Variants in AHNAK observed in about 807,000 individuals in gnomAD.
The protein encoded by AHNAK is neuroblast differentiation-associated protein AHNAK.
In AHNAK, 23 loss-of-function variants were observed where a neutral mutation model predicts 37.8. That is an observed-to-expected ratio of 0.61 (90% confidence interval 0.44 to 0.86). AHNAK has a LOEUF of 0.86. Among genes scored for constraint, AHNAK ranks in the 40% least tolerant of loss-of-function variants. The pLI, the probability that AHNAK is intolerant of heterozygous loss-of-function variation, is 0.00. For missense variants in AHNAK, 7,411 were observed against 7,319.4 expected (o/e 1.01, Z -0.46); for synonymous variants, 2,481 against 2,636.3 (o/e 0.94, Z 1.80).
chr11:62,449,255 G>A (rs540294272), intron 5 of AHNAK, among the ~76,000 whole-genome samples: 21 of 152,256 alleles, frequency 1.4e-4, no homozygotes, highest in African/African-American at 3.9e-4. Flanking sequence ...CTCTCCTTCC[G>A]TTCCCTGGCT....
At chr11:62,451,026 T>C (rs2958533) in intron 5 of AHNAK, among the ~76,000 whole-genome samples, 84,707 of 150,118 alleles carry the variant, frequency 0.56, 25,612 homozygotes, top group South Asian at 0.64. Flanking sequence ...ATGGAGATGA[T>C]GTCACTGACC....
At chr11:62,437,411 A>C (rs1215014592) in intron 5 of AHNAK, among the ~76,000 whole-genome samples, 1 of 149,426 alleles carries the variant, frequency 6.7e-6, no homozygotes, top group Non-Finnish European at 1.5e-5. Context: ...GCTGGAGTGC[A>C]ATGGTGCAAT....
At chr11:62,481,768 G>A (rs568367322) in intron 5 of AHNAK, among the ~76,000 whole-genome samples, 5 of 151,184 alleles carry the variant, frequency 3.3e-5, no homozygotes, top group East Asian at 2.0e-4. Context: ...TAGTAGAGAC[G>A]GGGTTTCACC....
At chr11:62,450,861 G>A (rs905780797) in intron 5 of AHNAK, among the ~76,000 whole-genome samples, 1 of 152,252 alleles carries the variant, frequency 6.6e-6, no homozygotes, top group African/African-American at 2.4e-5. Context: ...ATATTAAAAG[G>A]TTGTTACATT....
intron 4 of AHNAK, among the ~76,000 whole-genome samples, chr11:62,509,787 G>A (rs999838141): frequency 1.3e-4 from 20 of 151,508 alleles, no homozygotes; most frequent in African/African-American, 1.5e-4. Context: ...GTGTGGTGGC[G>A]GGCGCTAGTA....
At position 62,517,272 on chromosome 11, in the gene AHNAK, G is replaced by T; in HGVS notation, c.17145C>A (p.Pro5715=). The T allele has an allele frequency of 6.2e-7, 1 of 1,614,074 alleles. No homozygotes were observed. The highest frequency in any genetic ancestry group is 8.5e-7 in the Non-Finnish European group (1 of 1,180,014). ...CTTTAGGTTTGGAAAAATTAAACTT[G>T]GGCATTTTGATCTTGGACTTTTTCA... ...VKLKKSKIKM[P]KFNFSKPKGK... Residue 5715 remains proline, a synonymous_variant, in exon 5 of 5, where the codon CCC becomes CCA. Transcript: ENST00000378024.
At chr11:62,512,884 G>C (rs1183743492), downstream of AHNAK, among the ~76,000 whole-genome samples, 2 of 137,830 alleles carry the variant, frequency 1.5e-5, no homozygotes, top group African/African-American at 2.6e-5. This position sits in a 1 kb window ranked among gnomAD's most constrained non-coding sequence, Gnocchi z 4.0. Context: ...GGGAGGGAGG[G>C]AGGGAGGGAG....
At chr11:62,437,088 C>T (rs1938188533) in intron 5 of AHNAK, among the ~76,000 whole-genome samples, 1 of 152,304 alleles carries the variant, frequency 6.6e-6, no homozygotes, top group South Asian at 2.1e-4. Flanking sequence ...AACGTTCCCT[C>T]ATGCACCCTC....
chr11:62,437,163 C>T (rs60902814), intron 5 of AHNAK, among the ~76,000 whole-genome samples: 20,286 of 152,116 alleles, frequency 0.13, 1,625 homozygotes, highest in Middle Eastern at 0.2. Context: ...TTGCCTCTTT[C>T]TGAACCATAT....
At position 62,519,511 on chromosome 11, in the gene AHNAK, T is replaced by A. The variant is rs574115758; in HGVS notation, c.14906A>T (p.Asp4969Val). ...TTTCTTAAATTTGGGGATTTTAACA[T>A]CTGGCCCTTCGATGTTAATATCTGG... The part of the protein sequence containing the change: ...DSPDINIEGP[D>V]VKIPKFKKPK... Residue 4969 changes from aspartate (D) to valine (V), a missense_variant, in exon 5 of 5, where the codon GAT becomes GTT. Asp to Val is a radical substitution (Grantham distance 152). Coordinates refer to ENST00000378024, the MANE Select transcript of AHNAK (RefSeq NM_001620.3). The A allele has an allele frequency of 3.1e-6, 5 of 1,613,012 alleles. No homozygotes were observed. The highest frequency in any genetic ancestry group is 4.2e-6 in the Non-Finnish European group (5 of 1,179,730).
rs549048075 is a variant in AHNAK, at chr11:62,531,476, C to A, written c.2941G>T (p.Asp981Tyr). Reference protein sequence around the residue: ...LEGDLKGPKVDVSAPDVEMQG... With the variant: ...LEGDLKGPKVYVSAPDVEMQG... ...ATTTCAACATCTGGGGCACTGACAT[C>A]TACTTTTGGGCCTTTCAGGTCCCCT... The change falls in exon 5 of 5, where the codon GAT becomes TAT. Residue 981 changes from aspartate (D) to tyrosine (Y), a missense_variant. Asp to Tyr is a radical substitution (Grantham distance 160, BLOSUM62 -3). Coordinates refer to ENST00000378024, the MANE Select transcript of AHNAK (RefSeq NM_001620.3). The A allele has an allele frequency of 1.2e-6, 2 of 1,614,244 alleles. No individual in the cohort carries two copies. The highest frequency in any genetic ancestry group is 2.2e-5 in the South Asian group (2 of 91,082).
intron 4 of AHNAK, among the ~76,000 whole-genome samples, chr11:62,496,062 GAAGA>G (rs1352393728): frequency 6.7e-6 from 1 of 149,424 alleles, no homozygotes; most frequent in South Asian, 2.1e-4. Flanking sequence ...AAAAAAAAAA[GAAGA>G]AAGAAAGAAA....
chr11:62,533,202 C>T lies in AHNAK; in HGVS notation c.1215G>A (p.Gly405=). 4 of 1,527,750 alleles carry T rather than the reference C, an allele frequency of 2.6e-6. No individual in the cohort carries two copies. The highest frequency in any genetic ancestry group is 3.5e-6 in the Non-Finnish European group (4 of 1,142,524). The allele number at this position is 1,527,750 out of a possible 1,614,324, so 94.6% of individuals were successfully genotyped here. The change falls in exon 5 of 5, where the codon GGG becomes GGA. Residue 405 remains glycine (G), a synonymous_variant. Transcript: ENST00000378024. ...CCACACTGGGGCCAGTGATGCTACC[C>T]CCAATTTGGGGAGCAGAGGCATCCA... ...IGVDASAPQI[G]GSITGPSVEV...
At position 62,526,936 on chromosome 11, in the gene AHNAK, A is replaced by G. The variant is rs766600337; in HGVS notation, c.7481T>C (p.Val2494Ala). 6.8e-6 allele frequency: 11 copies of G among 1,614,076 alleles called. No individual in the cohort carries two copies. In the Admixed American group the frequency reaches 1.7e-4, roughly 24 times the overall value. Residue 2494 changes from valine to alanine, a missense_variant, in exon 5 of 5, where the codon GTT becomes GCT. Physicochemically the swap from Val to Ala is moderately conservative, Grantham distance 64. Transcript: ENST00000378024. ...VPDMNIRGPK[V>A]DVNAPDVQAP... is the part of the protein sequence containing the mutation. Reference sequence around the variant, plus strand: ...TTGGACATCGGGGGCATTTACATCAACTTTGGGGCCCCTGATGTTCATATC... The same window carrying G: ...TTGGACATCGGGGGCATTTACATCAGCTTTGGGGCCCCTGATGTTCATATC...
At position 62,528,069 on chromosome 11, in the gene AHNAK, C is replaced by T; in HGVS notation, c.6348G>A (p.Lys2116=). 1 of 1,613,308 alleles carries T rather than the reference C, an allele frequency of 6.2e-7. No homozygotes were observed. Among genetic ancestry groups the T allele is most frequent in the Non-Finnish European group, 8.5e-7 (1 of 1,179,828 alleles). The stretch of plus-strand genomic sequence containing the variant: ...GTAAGTCCACATCAGGCATGGAGAT[C>T]TTGGGGGCCTTGAAGTGCATCTCAG... ...KMPEMHFKAP[K]ISMPDVDLHL... The change falls in exon 5 of 5, where the codon AAG becomes AAA. Residue 2116 remains lysine, a synonymous_variant. Coordinates refer to ENST00000378024, the MANE Select transcript of AHNAK (RefSeq NM_001620.3).
chr11:62,481,235 A>G (rs1404165496), intron 5 of AHNAK, among the ~76,000 whole-genome samples: 1 of 151,776 alleles, frequency 6.6e-6, no homozygotes, highest in Non-Finnish European at 1.5e-5. Flanking sequence ...CCTCCCGAGT[A>G]GCTGGGATTA....
At chr11:62,500,537 G>A (rs1438405062) in intron 4 of AHNAK, among the ~76,000 whole-genome samples, 1 of 152,172 alleles carries the variant, frequency 6.6e-6, no homozygotes, top group Non-Finnish European at 1.5e-5. Context: ...CCCTCAGAGA[G>A]CCCGATGATG....
At chr11:62,493,011 CTTTTTTTT>C (rs960994580) in intron 4 of AHNAK, among the ~76,000 whole-genome samples, 2 of 133,328 alleles carry the variant, frequency 1.5e-5, no homozygotes, top group Non-Finnish European at 3.2e-5. Context: ...CTTTTCTTTT[CTTTTTTTT>C]TTTTTTTTTT....
intron 5 of AHNAK, among the ~76,000 whole-genome samples, chr11:62,452,048 G>C (rs776383361): frequency 4.5e-4 from 69 of 151,826 alleles, no homozygotes; most frequent in Non-Finnish European, 8.8e-4. Flanking sequence ...TCCTGACCTC[G>C]TGATCCACCT....
Sources: gnomAD v4.1 joint callset for allele counts (sites outside exome capture counted in the v4.1 genomes callset) on GRCh38, gnomAD v4.1.1 for gene constraint, Gnocchi (gnomAD v3.1) non-coding constraint, MANE v1.5 for transcripts, NCBI Gene and HGNC (gene_info 2026-07-23, HGNC 2026-07-21) for gene names.